Variants in HFM1 observed in about 807,000 individuals in gnomAD.
HFM1 encodes the protein helicase for meiosis 1.
HFM1 carries 169 observed loss-of-function variants against 192.1 expected under a neutral mutation model. That is an observed-to-expected ratio of 0.88 (90% CI 0.78 to 1.00). The LOEUF (loss-of-function observed/expected upper bound fraction) is 1.00, where lower values mean the gene tolerates loss of function less well. Ranked by LOEUF, HFM1 falls within the 50% of genes least tolerant of loss-of-function variation. The pLI is 0.00. For synonymous variants in HFM1, 525 were observed against 537.8 expected (o/e 0.98, Z 0.33); for missense variants, 1,661 against 1,668.0 (o/e 1.00, Z 0.07).
rs1435185610 is a variant in HFM1 at position 91,325,183 on chromosome 1, C to T, written c.2336-417G>A. On this transcript the variant is annotated intron_variant, in intron 20 of 38. Coordinates refer to ENST00000370425, the MANE Select transcript of HFM1 (RefSeq NM_001017975.6). ...ATAAGCTGACAGAAGAGCCCTTGGG[C>T]TTTAAGTGAACATCAGTGATGACTT... Among the ~76,000 whole-genome samples, 3 of 152,308 alleles carry T rather than the reference C, an allele frequency of 2.0e-5. 1 individual carries two copies. The highest frequency in any genetic ancestry group is 1.9e-4 in the East Asian group (1 of 5,172).
intron 8 of HFM1, among the ~76,000 whole-genome samples, chr1:91,379,550 A>C (rs1342309597): frequency 1.3e-5 from 2 of 152,164 alleles, no homozygotes; most frequent in African/African-American, 4.8e-5. Flanking sequence ...CCGCATTCAA[A>C]GCCATCCTGG....
At chr1:91,387,344 C>T (rs878940120) in intron 4 of HFM1, among the ~76,000 whole-genome samples, 3 of 151,910 alleles carry the variant, frequency 2.0e-5, no homozygotes, top group African/African-American at 4.8e-5. Flanking sequence ...AACGCTTGGC[C>T]GCCACAAGCC....
intron 30 of HFM1, among the ~76,000 whole-genome samples, chr1:91,298,552 C>T (rs1330582627): frequency 1.3e-5 from 2 of 152,088 alleles, no homozygotes; most frequent in Admixed American, 1.3e-4. Context: ...GTTGGGTTAC[C>T]CACAAAGGGA....
rs780008884 is a variant in HFM1 at position 91,396,401 on chromosome 1, G to A, written c.76C>T (p.Pro26Ser). ...CAATCCAATGACTTTTCATTGTCTG[G>A]ATGGCTATATAAAATATAAAAATGT... Reference protein sequence around the residue: ...FEKPDEVENHPDNEKSLDWFL... With the variant: ...FEKPDEVENHSDNEKSLDWFL... Residue 26 changes from proline to serine, a missense_variant, in exon 3 of 39, where the codon CCA (proline) becomes TCA (serine). Pro to Ser is a moderately conservative substitution (Grantham distance 74). Transcript: ENST00000370425. 1.3e-6 allele frequency: 2 copies of A among 1,529,342 alleles called. No individual in the cohort carries two copies. The highest frequency in any genetic ancestry group is 1.8e-6 in the Non-Finnish European group (2 of 1,113,266). The allele number at this position is 1,529,342 out of a possible 1,614,324, so 94.7% of individuals were successfully genotyped here. A position where few individuals can be genotyped will look rare whatever the true frequency, so the allele number is the denominator to read the frequency against.
intron 20 of HFM1, among the ~76,000 whole-genome samples, chr1:91,333,559 A>G (rs1654133732): frequency 6.6e-6 from 1 of 152,136 alleles, no homozygotes; most frequent in African/African-American, 2.4e-5. Flanking sequence ...TGATAGCATA[A>G]CAGGGTGACG....
chr1:91,264,110 T>C (rs1579703), intron 36 of HFM1, among the ~76,000 whole-genome samples: 152,011 of 152,186 alleles, frequency 1, 75,918 homozygotes, highest in Non-Finnish European at 1. Context: ...ATTCAGTGAT[T>C]TAAGAAATCC....
In HFM1 at chr1:91,287,072, C is replaced by T. The variant is rs915707405; in HGVS notation, c.3392-10010G>A. ...CTGAGATCAAACTGCAAGGCGGCAG[C>T]GAGGCTGGGGGAGGGGTGCCCGCCA... On this transcript the variant is annotated intron_variant, in intron 30 of 38. Transcript: ENST00000370425. 7.2e-5 allele frequency among the ~76,000 whole-genome samples: 11 copies of T among 152,210 alleles called. No homozygotes were observed. In the East Asian group the frequency reaches 9.7e-4, roughly 13 times the overall value.
chr1:91,375,315 C>G, intron 13 of HFM1, 43 bp downstream of exon 13: 1 of 1,411,770 alleles, frequency 7.1e-7, no homozygotes, highest in East Asian at 2.3e-5. Flanking sequence ...CTAGATGAGC[C>G]CTAAAAGTCC....
At chr1:91,265,511 C>A (rs1259497130) in intron 36 of HFM1, among the ~76,000 whole-genome samples, 1 of 420 alleles carries the variant, frequency 2.4e-3, no homozygotes, top group Non-Finnish European at 0.038. Context: ...TTTGGGTTTG[C>A]GACCCGACTG....
intron 20 of HFM1, among the ~76,000 whole-genome samples, 194 bp from the exon 21 acceptor site, chr1:91,324,960 G>A (rs1652665687): frequency 6.6e-6 from 1 of 152,122 alleles, no homozygotes; most frequent in East Asian, 1.9e-4. Context: ...TTGCTTTTCT[G>A]CACACAGAAA....
At chr1:91,277,790 TATATATA>T (rs1427580072) in intron 30 of HFM1, among the ~76,000 whole-genome samples, 1 of 124,328 alleles carries the variant, frequency 8.0e-6, no homozygotes, top group East Asian at 2.0e-4. Context: ...GTATATACTT[TATATATA>T]ATATATACTA....
intron 30 of HFM1, among the ~76,000 whole-genome samples, chr1:91,311,817 CA>C (rs1200684171): frequency 1.3e-5 from 2 of 152,184 alleles, no homozygotes; most frequent in African/African-American, 2.4e-5. Context: ...CCCCTTCTAT[CA>C]CAGGCCTGGA....
intron 1 of HFM1, among the ~76,000 whole-genome samples, chr1:91,403,367 T>C (rs1400407469): frequency 1.3e-5 from 2 of 152,176 alleles, no homozygotes. Context: ...ATCTTCAACG[T>C]TCAGTTAAAA....
intron 30 of HFM1, among the ~76,000 whole-genome samples, chr1:91,277,741 A>G (rs281958): frequency 4.2e-4 from 51 of 121,474 alleles, no homozygotes; most frequent in Non-Finnish European, 5.9e-4. Flanking sequence ...TATATATAAT[A>G]TATATACTTT....
intron 30 of HFM1, among the ~76,000 whole-genome samples, chr1:91,299,777 T>A (rs923439167): frequency 6.6e-6 from 1 of 152,132 alleles, no homozygotes; most frequent in African/African-American, 2.4e-5. Context: ...TGGGACACAT[T>A]CAAAGCAGTG....
At chr1:91,317,244 G>A (rs934801072) in intron 25 of HFM1, among the ~76,000 whole-genome samples, 4 of 152,072 alleles carry the variant, frequency 2.6e-5, no homozygotes, top group Admixed American at 1.3e-4. Context: ...GAGAAACCCC[G>A]TCTCTACTAA....
intron 13 of HFM1, among the ~76,000 whole-genome samples, chr1:91,372,168 A>T (rs1308673043): frequency 6.6e-6 from 1 of 152,218 alleles, no homozygotes; most frequent in African/African-American, 2.4e-5. Context: ...ACCATTGTGG[A>T]AGTCATTGTG....
At chr1:91,267,570 T>C (rs1665886768) in intron 35 of HFM1, among the ~76,000 whole-genome samples, 175 bp downstream of exon 35, 1 of 152,238 alleles carries the variant, frequency 6.6e-6, no homozygotes, top group African/African-American at 2.4e-5. Flanking sequence ...AGGGGGGAAA[T>C]GTTCTTTGTA....
At chr1:91,350,107 T>C (rs1299240262) in intron 18 of HFM1, among the ~76,000 whole-genome samples, 1 of 152,186 alleles carries the variant, frequency 6.6e-6, no homozygotes, top group Non-Finnish European at 1.5e-5. Flanking sequence ...TTAAGTGATA[T>C]GAGTATTTAT....
Sources: gnomAD v4.1 joint callset for allele counts (sites outside exome capture counted in the v4.1 genomes callset) on GRCh38, gnomAD v4.1.1 for gene constraint, MANE v1.5 for transcripts, NCBI Gene and HGNC (gene_info 2026-07-23, HGNC 2026-07-21) for gene names.